The following PTPRD variants were observed in gnomAD, a reference collection of about 807,000 sequenced individuals.
PTPRD encodes the protein protein tyrosine phosphatase receptor type D, also known as receptor-type tyrosine-protein phosphatase delta.
In PTPRD, 34 loss-of-function variants were observed where a neutral mutation model predicts 214.5. That is an observed-to-expected ratio of 0.16 (90% CI 0.12 to 0.21). The LOEUF (loss-of-function observed/expected upper bound fraction) is 0.21, where lower values mean the gene tolerates loss of function less well. Among genes scored for constraint, PTPRD ranks in the 10% least tolerant of loss-of-function variants. The pLI is 1.00. For missense variants in PTPRD, 2,545 were observed against 2,398.7 expected (o/e 1.06, Z -1.27); for synonymous variants, 1,128 against 845.7 (o/e 1.33, Z -5.79).
intron 17 of PTPRD, among the ~76,000 whole-genome samples, chr9:8,525,990 T>TG (rs2074004998): frequency 1.3e-5 from 2 of 149,882 alleles, no homozygotes; most frequent in South Asian, 4.2e-4. Flanking sequence ...AAAAAAGAAG[T>TG]GGGGAAAAAA....
rs993725712 is a variant in PTPRD at position 9,344,258 on chromosome 9, A to T, written c.-203+53191T>A. On this transcript the variant is annotated intron_variant, in intron 9 of 45. Coordinates refer to ENST00000381196, the MANE Select transcript of PTPRD (RefSeq NM_002839.4). ...ACCCAAACACCACATGTTCTCACCC[A>T]TAAGTGGGAGTTGCACAGTGAGAAC... Among the ~76,000 whole-genome samples, 6 of 152,162 alleles carry T rather than the reference A, an allele frequency of 3.9e-5. No individual in the cohort carries two copies. In the East Asian group the frequency reaches 1.2e-3, roughly 30 times the overall value.
At chr9:10,196,676 A>T (rs2099399584) in intron 3 of PTPRD, among the ~76,000 whole-genome samples, 1 of 152,198 alleles carries the variant, frequency 6.6e-6, no homozygotes, top group South Asian at 2.1e-4. Flanking sequence ...TCTGAATATA[A>T]TACATCATGG....
At chr9:8,398,046 T>C (rs1477399223) in intron 36 of PTPRD, among the ~76,000 whole-genome samples, 2 of 152,178 alleles carry the variant, frequency 1.3e-5, no homozygotes, top group African/African-American at 4.8e-5. Flanking sequence ...GTACTTCAAA[T>C]ATATGCAGCT....
In PTPRD at chr9:8,924,649, A is replaced by ACTC. The variant is rs147779352; in HGVS notation, c.-104+94045_-104+94047dup. Among the ~76,000 whole-genome samples, 779 of 151,704 alleles carry ACTC rather than the reference A, an allele frequency of 5.1e-3. 5 individuals carry two copies. The highest frequency in any genetic ancestry group is 0.018 in the African/African-American group (751 of 41,308). Reference sequence around the variant, plus strand: ...CTCTCCATCATTAGCAAACTCGCCAACTCCTCACTTCTACTTGCAGAACTG... The same window carrying ACTC: ...CTCTCCATCATTAGCAAACTCGCCAACTCCTCCTCACTTCTACTTGCAGAACTG... On this transcript the variant is annotated intron_variant, in intron 11 of 45. Coordinates refer to ENST00000381196, the MANE Select transcript of PTPRD (RefSeq NM_002839.4).
At chr9:8,706,937 G>A (rs896683497) in intron 12 of PTPRD, among the ~76,000 whole-genome samples, 2 of 152,140 alleles carry the variant, frequency 1.3e-5, no homozygotes, top group Non-Finnish European at 2.9e-5. Flanking sequence ...CACAAATGAA[G>A]AGGCGAATGA....
At chr9:9,843,606 G>GATAT (rs1489712021) in intron 5 of PTPRD, among the ~76,000 whole-genome samples, 2 of 151,814 alleles carry the variant, frequency 1.3e-5, no homozygotes, top group Non-Finnish European at 2.9e-5. Flanking sequence ...ATTTTGACAG[G>GATAT]ATATATCTCA....
intron 5 of PTPRD, among the ~76,000 whole-genome samples, chr9:9,902,162 T>C (rs183642463): frequency 1.3e-5 from 2 of 152,304 alleles, no homozygotes; most frequent in Admixed American, 1.3e-4. Flanking sequence ...TTATTGTTGA[T>C]TCTATTTTAT....
At chr9:8,399,216 A>T (rs1460611926) in intron 36 of PTPRD, among the ~76,000 whole-genome samples, 1 of 151,202 alleles carries the variant, frequency 6.6e-6, no homozygotes, top group African/African-American at 2.4e-5. Flanking sequence ...AATTCTGGAG[A>T]TGGTAGAGAT....
At chr9:9,421,569 C>T (rs967619583) in intron 8 of PTPRD, among the ~76,000 whole-genome samples, 3 of 151,984 alleles carry the variant, frequency 2.0e-5, no homozygotes, top group Non-Finnish European at 2.9e-5. Context: ...ATAATCTGAA[C>T]TTAGAAATAC....
rs1379667999 is a variant in PTPRD at position 9,734,552 on chromosome 9, G to C, written c.-306C>G. On this transcript the variant is annotated 5_prime_UTR_variant, in exon 7 of 46. Transcript: ENST00000381196. ...TCTCACCAGATTTTTGAAGTTACCA[G>C]AAGATCAAGGAGTCCAAGCCTGATA... 2 of 152,012 alleles carry C rather than the reference G, an allele frequency of 1.3e-5. No individual in the cohort carries two copies. Among genetic ancestry groups the C allele is most frequent in the African/African-American group, 4.8e-5 (2 of 41,408 alleles). The allele number at this position is 152,012 out of a possible 1,614,324, so 9.4% of individuals were successfully genotyped here. A position where few individuals can be genotyped will look rare whatever the true frequency, so the allele number is the denominator to read the frequency against.
chr9:9,828,417 T>C (rs1166625922), intron 5 of PTPRD, among the ~76,000 whole-genome samples: 3 of 151,856 alleles, frequency 2.0e-5, no homozygotes, highest in East Asian at 1.9e-4. Context: ...AACCAAACAC[T>C]GCATGTTCTC....
intron 2 of PTPRD, among the ~76,000 whole-genome samples, chr9:10,496,013 G>C (rs1024163708): frequency 2.6e-5 from 4 of 151,466 alleles, no homozygotes; most frequent in African/African-American, 9.7e-5. Context: ...ATTTGATCAA[G>C]GTTATTAAAT....
At chr9:9,955,525 T>C (rs2093833210) in intron 4 of PTPRD, among the ~76,000 whole-genome samples, 3 of 137,428 alleles carry the variant, frequency 2.2e-5, no homozygotes, top group Non-Finnish European at 5.0e-5. Context: ...TGTTTTGTTT[T>C]GTTTTTTTTT....
intron 2 of PTPRD, among the ~76,000 whole-genome samples, chr9:10,342,030 A>T (rs1425767664): frequency 6.6e-6 from 1 of 152,052 alleles, no homozygotes; most frequent in East Asian, 1.9e-4. Flanking sequence ...AGGATCAATA[A>T]ATTGTGGTTC....
chr9:9,249,362 T>C (rs2099974475), intron 9 of PTPRD, among the ~76,000 whole-genome samples: 1 of 152,040 alleles, frequency 6.6e-6, no homozygotes, highest in South Asian at 2.1e-4. Flanking sequence ...CCTATTTTCT[T>C]TATAAATTAC....
rs372210323 is a variant in PTPRD, at chr9:8,564,866, C to T, written c.353-36087G>A. Among the ~76,000 whole-genome samples the T allele has an allele frequency of 3.8e-4, 58 of 151,824 alleles. 3 individuals are homozygous for T. Among genetic ancestry groups the T allele is most frequent in the African/African-American group, 1.4e-3 (56 of 41,382 alleles). ...GTCTAAGAAAGTTTTTTTTAAAGGG[C>T]CTAAATAATCTAAGCAAAATAAATA... On this transcript the variant is annotated intron_variant, in intron 14 of 45. Coordinates refer to ENST00000381196, the MANE Select transcript of PTPRD (RefSeq NM_002839.4).
chr9:10,312,439 C>A (rs550134211), intron 3 of PTPRD, among the ~76,000 whole-genome samples: 3 of 151,792 alleles, frequency 2.0e-5, no homozygotes, highest in Non-Finnish European at 4.4e-5. Context: ...AATATATAGA[C>A]GCCTTTTAGT....
At chr9:10,554,129 T>G (rs973485331) in intron 2 of PTPRD, among the ~76,000 whole-genome samples, 4 of 152,214 alleles carry the variant, frequency 2.6e-5, no homozygotes, top group African/African-American at 4.8e-5. Flanking sequence ...GAGCTTTTAA[T>G]GATGAGACCT....
At chr9:9,635,555 G>A (rs1282917710) in intron 7 of PTPRD, among the ~76,000 whole-genome samples, 1 of 152,146 alleles carries the variant, frequency 6.6e-6, no homozygotes, top group African/African-American at 2.4e-5. Flanking sequence ...GCTGAAGAAA[G>A]CCATTGCTCA....
Sources: gnomAD v4.1 joint callset for allele counts (sites outside exome capture counted in the v4.1 genomes callset) on GRCh38, gnomAD v4.1.1 for gene constraint, MANE v1.5 for transcripts, NCBI Gene and HGNC (gene_info 2026-07-23, HGNC 2026-07-21) for gene names.